RFWD3: variants seen among roughly 807,000 people sequenced by gnomAD.
The protein encoded by RFWD3 is ring finger and WD repeat domain 3.
Under a neutral mutation model 87.7 loss-of-function variants are expected in RFWD3, and 65 were observed. The ratio of observed to expected loss-of-function variants is 0.74; its 90% CI spans 0.61 to 0.91. The LOEUF (loss-of-function observed/expected upper bound fraction) is 0.91. Among genes scored for constraint, RFWD3 ranks in the 40% least tolerant of loss-of-function variants. The pLI is 0.00. For synonymous variants in RFWD3, 433 were observed against 352.8 expected, an observed-to-expected ratio of 1.23 and a Z score of -2.55; for missense variants, 1,078 against 938.5, an observed-to-expected ratio of 1.15 and a Z score of -1.94.
Position 74,628,610 on chromosome 16 carries a change from T to C in RFWD3, c.1811A>G (p.Tyr604Cys), listed in dbSNP as rs1444577160. The C allele has an allele frequency of 1.9e-6, 3 of 1,614,036 alleles. No individual in the cohort carries two copies. The highest frequency in any genetic ancestry group is 2.7e-5 in the African/African-American group (2 of 74,998). The change falls in exon 11 of 13, where the codon TAT (tyrosine) becomes TGT (cysteine). Residue 604 changes from tyrosine (Y) to cysteine (C), a missense_variant. By Grantham distance (194) the Tyr-to-Cys change is radical. Transcript: ENST00000361070. ...MPRAASAAFP[Y>C]GGVLAGTLED... Reference sequence around the variant, plus strand: ...CAAGGTTCCAGCCAGCACCCCACCATATGGAAATGCAGCTGAGGCAGCTCT... The same window carrying C: ...CAAGGTTCCAGCCAGCACCCCACCACATGGAAATGCAGCTGAGGCAGCTCT...
chr16:74,637,143 A>C (rs546128074), intron 7 of RFWD3, among the ~76,000 whole-genome samples: 1 of 150,420 alleles, frequency 6.6e-6, no homozygotes, highest in South Asian at 2.1e-4. Flanking sequence ...AAAAAAAAAA[A>C]AACAACTTAA....
At chr16:74,645,561 C>T (rs556047664) in intron 4 of RFWD3, among the ~76,000 whole-genome samples, 3 of 152,030 alleles carry the variant, frequency 2.0e-5, no homozygotes, top group African/African-American at 7.2e-5. Flanking sequence ...CCATGTTGGC[C>T]GGGCTGGTCC....
rs745712842 is a variant in RFWD3, at chr16:74,626,568, A to G, written c.1970-14T>C. The G allele has an allele frequency of 4.3e-5, 69 of 1,608,132 alleles. No homozygotes were observed. Among genetic ancestry groups the G allele is most frequent in the Non-Finnish European group, 1.4e-5 (16 of 1,174,776 alleles). On this transcript the variant is annotated splice_polypyrimidine_tract_variant and intron_variant, in intron 11 of 12. Transcript: ENST00000361070. ...TGTGATTTTTATCTATGGGACAGAG[A>G]AATCAGTGCTGCACCATGGGGACGC...
chr16:74,640,881 G>A (rs573903103), intron 6 of RFWD3, among the ~76,000 whole-genome samples: 29 of 152,228 alleles, frequency 1.9e-4, no homozygotes, highest in African/African-American at 7.0e-4. Flanking sequence ...GGAGGTTGTA[G>A]TGAGCTGAGA....
At chr16:74,645,049 G>A (rs975861177) in intron 4 of RFWD3, among the ~76,000 whole-genome samples, 1 of 152,024 alleles carries the variant, frequency 6.6e-6, no homozygotes, top group African/African-American at 2.4e-5. Flanking sequence ...GTACCAGAGG[G>A]CAAAAAAAGA....
At chr16:74,649,106 T>G (rs1434308015) in intron 4 of RFWD3, 26 bp downstream of exon 4, 1 of 1,477,450 alleles carries the variant, frequency 6.8e-7, no homozygotes, top group East Asian at 2.4e-5. Flanking sequence ...AATAAATAGA[T>G]TTTTTTAAAA....
rs1159245915 is a variant in RFWD3, at chr16:74,621,903, G to C, written c.*2025C>G. The C allele has an allele frequency of 6.6e-6, 1 of 152,126 alleles. No individual in the cohort carries two copies. The highest frequency in any genetic ancestry group is 1.5e-5 in the Non-Finnish European group (1 of 68,036). 9.4% of individuals were successfully genotyped at this position (152,126 alleles called of 1,614,324 possible). A position where few individuals can be genotyped will look rare whatever the true frequency, so the allele number is the denominator to read the frequency against. On this transcript the variant is annotated 3_prime_UTR_variant, in exon 13 of 13. Coordinates refer to ENST00000361070, the MANE Select transcript of RFWD3 (RefSeq NM_018124.4). ...GTAGAGATGGGGTTTCACCATGTTG[G>C]TCAGGCTGGACAAGGCTTTTTTTCT... is the stretch of plus-strand genomic sequence containing the variant.
chr16:74,660,900 A>C, intron 2 of RFWD3, 32 bp downstream of exon 2: 1 of 1,579,034 alleles, frequency 6.3e-7, no homozygotes, highest in Non-Finnish European at 8.6e-7. Flanking sequence ...TAGTACAGCA[A>C]TGATCACAGA....
At chr16:74,624,569 T>G (rs1958867256) in intron 12 of RFWD3, among the ~76,000 whole-genome samples, 1 of 152,180 alleles carries the variant, frequency 6.6e-6, no homozygotes, top group East Asian at 1.9e-4. Context: ...CTAATTTTCT[T>G]GTATTTTTGG....
intron 3 of RFWD3, among the ~76,000 whole-genome samples, chr16:74,651,303 T>C (rs1472378566): frequency 1.3e-5 from 2 of 152,154 alleles, no homozygotes; most frequent in Non-Finnish European, 2.9e-5. Flanking sequence ...GGGTGCTGAA[T>C]TTACAAAACT....
rs1340841247 is a variant in RFWD3 at position 74,636,686 on chromosome 16, G to C, written c.1195-109C>G. The C allele has an allele frequency of 1.3e-5, 11 of 826,290 alleles. No individual in the cohort carries two copies. In the East Asian group the frequency reaches 3.0e-4, roughly 22 times the overall value. 51.2% of individuals were successfully genotyped at this position (826,290 alleles called of 1,614,324 possible). A position where few individuals can be genotyped will look rare whatever the true frequency, so the allele number is the denominator to read the frequency against. ...GATTTTTTATCCATTATATGAAAGT[G>C]TTAACATGAATCCTAGAGAACTGCA... On this transcript the variant is annotated intron_variant, in intron 7 of 12. Transcript: ENST00000361070.
chr16:74,632,316 C>T (rs1959124220), intron 9 of RFWD3, among the ~76,000 whole-genome samples: 1 of 151,826 alleles, frequency 6.6e-6, no homozygotes, highest in South Asian at 2.1e-4. Context: ...GGCCTGAACC[C>T]GGAAGGTGGA....
rs1472033368 is a variant in RFWD3, at chr16:74,636,614, T to A, written c.1195-37A>T. The A allele has an allele frequency of 1.2e-5, 17 of 1,404,010 alleles. No individual in the cohort carries two copies. The South Asian group carries it at 1.8e-4, about 15-fold the overall frequency. The allele number at this position is 1,404,010 out of a possible 1,614,324, so 87.0% of individuals were successfully genotyped here. On this transcript the variant is annotated intron_variant, in intron 7 of 12. Transcript: ENST00000361070. ...AAGATTTTATAAATACAAAGCTTTT[T>A]AATTTGATATTCCCCTCAAATACAA...
intron 2 of RFWD3, among the ~76,000 whole-genome samples, chr16:74,654,676 T>C (rs1250423942): frequency 6.6e-6 from 1 of 152,162 alleles, no homozygotes; most frequent in Admixed American, 6.5e-5. Context: ...TGTCAAAAGC[T>C]GGGATAGGCC....
chr16:74,666,041 A>G (rs1221270917), intron 1 of RFWD3, among the ~76,000 whole-genome samples: 1 of 151,838 alleles, frequency 6.6e-6, no homozygotes, highest in East Asian at 1.9e-4. Context: ...AGGGAGGAAG[A>G]GAGAGGGAGA....
chr16:74,663,415 A>T (rs900919961), intron 1 of RFWD3, among the ~76,000 whole-genome samples: 2 of 152,170 alleles, frequency 1.3e-5, no homozygotes, highest in African/African-American at 4.8e-5. Flanking sequence ...ATTGAGTGTC[A>T]AGTGCTACTG....
At chr16:74,632,761 C>T in intron 8 of RFWD3, 88 bp from the exon 9 acceptor site, 1 of 1,233,430 alleles carries the variant, frequency 8.1e-7, no homozygotes, top group Non-Finnish European at 1.1e-6. Flanking sequence ...CCTTCGTCCA[C>T]CTTTCTTGGC....
intron 9 of RFWD3, among the ~76,000 whole-genome samples, chr16:74,631,252 G>GTGATCT (rs1450455493): frequency 3.9e-5 from 6 of 152,136 alleles, no homozygotes; most frequent in African/African-American, 1.4e-4. Flanking sequence ...GGGATTCTGA[G>GTGATCT]GCAGACAGAT....
intron 7 of RFWD3, among the ~76,000 whole-genome samples, chr16:74,637,482 C>G (rs1959241782): frequency 6.6e-6 from 1 of 152,030 alleles, no homozygotes; most frequent in Non-Finnish European, 1.5e-5. Flanking sequence ...CAAAAATTAG[C>G]TGGGCATGGT....
Sources: allele counts gnomAD v4.1 joint callset (sites outside exome capture counted in the v4.1 genomes callset), GRCh38; gene constraint gnomAD v4.1.1; transcripts MANE v1.5; gene names NCBI Gene and HGNC (gene_info 2026-07-23, HGNC 2026-07-21).